The following DNAH9 variants were observed in gnomAD, a reference collection of about 807,000 sequenced individuals.
The protein encoded by DNAH9 is DNAH9 variant protein.
DNAH9 carries 345 observed loss-of-function variants against 471.6 expected under a neutral mutation model. That is an observed-to-expected ratio of 0.73 (90% CI 0.67 to 0.80). The LOEUF is 0.80. Ranked by LOEUF, DNAH9 falls within the 30% of genes least tolerant of loss-of-function variation. The pLI is 0.00. For missense variants in DNAH9, 5,407 were observed against 5,609.2 expected (o/e 0.96, Z 1.15); for synonymous variants, 2,093 against 2,123.6 (o/e 0.99, Z 0.40).
intron 19 of DNAH9, among the ~76,000 whole-genome samples, chr17:11,685,545 C>T (rs1199718697): frequency 6.6e-6 from 1 of 152,032 alleles, no homozygotes; most frequent in Non-Finnish European, 1.5e-5. Flanking sequence ...GTTCCAACAG[C>T]CCAGATGAGA....
chr17:11,721,444 C>G (rs376742347), intron 27 of DNAH9, among the ~76,000 whole-genome samples: 1 of 152,068 alleles, frequency 6.6e-6, no homozygotes, highest in Non-Finnish European at 1.5e-5. Context: ...CCCAGGTAAC[C>G]AAACAGCCCC....
rs866570790 is a variant in DNAH9 at position 11,704,121 on chromosome 17, C to T, written c.5152-82C>T. ...GCTCATGTCACCCACACAATTACAT[C>T]CTGAGCCCTTGCTGTGTGATGAGTG... is the stretch of plus-strand genomic sequence containing the variant. On this transcript the variant is annotated intron_variant, in intron 24 of 68. Coordinates refer to ENST00000262442, the MANE Select transcript of DNAH9 (RefSeq NM_001372.4). 4 of 1,515,096 alleles carry T rather than the reference C, an allele frequency of 2.6e-6. No individual in the cohort carries two copies. The Middle Eastern group carries it at 6.9e-4, about 262-fold the overall frequency. The allele number at this position is 1,515,096 out of a possible 1,614,324, so 93.9% of individuals were successfully genotyped here. A position where few individuals can be genotyped will look rare whatever the true frequency, so the allele number is the denominator to read the frequency against.
chr17:11,913,933 A>T (rs1342729068), intron 61 of DNAH9, among the ~76,000 whole-genome samples: 1 of 152,328 alleles, frequency 6.6e-6, no homozygotes, highest in East Asian at 1.9e-4. Flanking sequence ...GTCAAGAATG[A>T]ATGCATATTC....
intron 62 of DNAH9, among the ~76,000 whole-genome samples, chr17:11,929,520 T>C (rs749507737): frequency 2.0e-5 from 3 of 152,166 alleles, no homozygotes; most frequent in Non-Finnish European, 4.4e-5. Context: ...TTTAAAAACA[T>C]TATGCTGGAA....
intron 49 of DNAH9, among the ~76,000 whole-genome samples, chr17:11,846,593 G>A (rs1971233790): frequency 6.9e-6 from 1 of 144,378 alleles, no homozygotes; most frequent in African/African-American, 2.6e-5. Context: ...ATTACCTTGG[G>A]CAGTATGGCC....
At chr17:11,763,198 C>T (rs997119535) in intron 35 of DNAH9, among the ~76,000 whole-genome samples, 1 of 152,050 alleles carries the variant, frequency 6.6e-6, no homozygotes, top group Admixed American at 6.6e-5. Flanking sequence ...GGGAGGGTGT[C>T]AGAGGAAAGG....
rs1597736967 is a variant in DNAH9 at position 11,854,070 on chromosome 17, T to C, written c.9575T>C (p.Val3192Ala). 6.2e-6 allele frequency: 10 copies of C among 1,614,074 alleles called. No homozygotes were observed. Among genetic ancestry groups the C allele is most frequent in the Middle Eastern group, 1.6e-4 (1 of 6,062 alleles). ...PLAVSNVSAA[V>A]MVLMAPRGRV... ...GCCGTCAGCAATGTCAGCGCTGCGG[T>C]GATGGTACTGATGGCTCCCAGGGGT... is the stretch of plus-strand genomic sequence containing the variant. The change falls in exon 50 of 69, where the codon GTG becomes GCG. Residue 3192 changes from valine to alanine, a missense_variant. By Grantham distance (64) the Val-to-Ala change is moderately conservative. Coordinates refer to ENST00000262442, the MANE Select transcript of DNAH9 (RefSeq NM_001372.4).
chr17:11,753,913 A>G (rs1025005661), intron 33 of DNAH9, among the ~76,000 whole-genome samples: 2 of 152,106 alleles, frequency 1.3e-5, no homozygotes, highest in African/African-American at 4.8e-5. Context: ...TTCATCACCC[A>G]GGTACTAAGT....
chr17:11,949,038 T>C (rs889910597), intron 67 of DNAH9, among the ~76,000 whole-genome samples: 7 of 152,192 alleles, frequency 4.6e-5, no homozygotes, highest in Non-Finnish European at 7.3e-5. Context: ...CCCAGAGGTA[T>C]GAGTCCTTAG....
chr17:11,810,832 C>T (rs1272641156), intron 45 of DNAH9, among the ~76,000 whole-genome samples: 1 of 152,184 alleles, frequency 6.6e-6, no homozygotes, highest in Non-Finnish European at 1.5e-5. Context: ...ATGTAATTAA[C>T]TAGTGATTTA....
At chr17:11,756,007 C>A (rs762459506) in intron 33 of DNAH9, among the ~76,000 whole-genome samples, 5 of 152,072 alleles carry the variant, frequency 3.3e-5, no homozygotes, top group Non-Finnish European at 5.9e-5. Context: ...ATCGACCTGG[C>A]GTGGTGGTTC....
At chr17:11,966,307 T>C (rs539599692) in intron 68 of DNAH9, among the ~76,000 whole-genome samples, 5 of 152,336 alleles carry the variant, frequency 3.3e-5, no homozygotes, top group African/African-American at 1.2e-4. Flanking sequence ...TACGATGGCA[T>C]AGTCAAAATG....
intron 61 of DNAH9, among the ~76,000 whole-genome samples, chr17:11,909,255 G>C (rs1973708913): frequency 6.6e-6 from 1 of 152,066 alleles, no homozygotes; most frequent in Non-Finnish European, 1.5e-5. Context: ...GATCACAAAA[G>C]GCTCACCTGG....
In DNAH9 at chr17:11,644,635, A is replaced by G; in HGVS notation, c.1906A>G (p.Met636Val). Reference sequence around the variant, plus strand: ...TTTTCTCTTTTGTACGAGTAGTTGCATGGAATCTGCAGAAGGAAAGCGAAT... The same window carrying G: ...TTTTCTCTTTTGTACGAGTAGTTGCGTGGAATCTGCAGAAGGAAAGCGAAT... ...SNFGRITHPC[M>V]ESAEGKRMQQ... Residue 636 changes from methionine (M) to valine (V), a missense_variant, in exon 11 of 69, where the codon ATG (methionine) becomes GTG (valine). By Grantham distance (21) the Met-to-Val change is conservative. Coordinates refer to ENST00000262442, the MANE Select transcript of DNAH9 (RefSeq NM_001372.4). 1.9e-6 allele frequency: 3 copies of G among 1,609,832 alleles called. No individual in the cohort carries two copies. Among genetic ancestry groups the G allele is most frequent in the Non-Finnish European group, 2.5e-6 (3 of 1,176,674 alleles).
chr17:11,627,744 T>C (rs1393050082), intron 6 of DNAH9, among the ~76,000 whole-genome samples: 1 of 152,162 alleles, frequency 6.6e-6, no homozygotes, highest in Non-Finnish European at 1.5e-5. Context: ...CCACTTCAGC[T>C]GCTTCCCACT....
At position 11,954,826 on chromosome 17, in the gene DNAH9, T is replaced by TA. The variant is rs558697027; in HGVS notation, c.12844-7040dup. ...AATTTCTTAGAAAGAAAGAAAATGATATATGGAAATTTGGATCTAAACAAA... is the reference window on the plus strand; with the variant it reads ...AATTTCTTAGAAAGAAAGAAAATGATAATATGGAAATTTGGATCTAAACAAA... On this transcript the variant is annotated intron_variant, in intron 67 of 68. Transcript: ENST00000262442. Among the ~76,000 whole-genome samples the TA allele has an allele frequency of 3.4e-5, 5 of 147,428 alleles. No homozygotes were observed. The South Asian group carries it at 1.1e-3, about 32-fold the overall frequency.
chr17:11,822,265 T>C (rs2150940983), intron 46 of DNAH9, among the ~76,000 whole-genome samples, 173 bp from the exon 47 acceptor site: 1 of 152,326 alleles, frequency 6.6e-6, no homozygotes, highest in South Asian at 2.1e-4. Flanking sequence ...GATCACGCAG[T>C]CCCAGCGTTT....
At chr17:11,625,526 C>T (rs1170087450) in intron 6 of DNAH9, among the ~76,000 whole-genome samples, 1 of 152,194 alleles carries the variant, frequency 6.6e-6, no homozygotes, top group South Asian at 2.1e-4. Context: ...TTGAGATTTT[C>T]ATCTATGAAC....
At chr17:11,796,683 C>CAACT in intron 42 of DNAH9, among the ~76,000 whole-genome samples, 1 of 152,338 alleles carries the variant, frequency 6.6e-6, no homozygotes, top group African/African-American at 2.4e-5. Context: ...CAGGTGCGGA[C>CAACT]AACTGCTCAT....
Sources: gnomAD v4.1 joint callset for allele counts (sites outside exome capture counted in the v4.1 genomes callset) on GRCh38, gnomAD v4.1.1 for gene constraint, MANE v1.5 for transcripts, NCBI Gene and HGNC (gene_info 2026-07-23, HGNC 2026-07-21) for gene names.